The following PLA2G2C variants were observed in gnomAD, a reference collection of about 807,000 sequenced individuals.
PLA2G2C encodes the protein phospholipase A2 group IIC.
In PLA2G2C, 15 loss-of-function variants were observed where a neutral mutation model predicts 14.3. The ratio of observed to expected loss-of-function variants is 1.05; its 90% CI spans 0.70 to 1.62. The LOEUF is 1.62. Ranked by LOEUF, PLA2G2C falls within the 40% of genes most tolerant of loss-of-function variation. PLA2G2C has a pLI of 0.00. For missense variants in PLA2G2C, 162 were observed against 173.2 expected, an observed-to-expected ratio of 0.94 and a Z score of 0.36; for synonymous variants, 79 against 67.7, an observed-to-expected ratio of 1.17 and a Z score of -0.82.
At chr1:20,175,298 T>C in intron 2 of PLA2G2C, 153 bp from the exon 3 acceptor site, 1 of 1,108,124 alleles carries the variant, frequency 9.0e-7, no homozygotes, top group Non-Finnish European at 1.3e-6. Flanking sequence ...ATCACCAGCC[T>C]CTTTCCTGGG....
chr1:20,181,370 G>A (rs539864585), intron 1 of PLA2G2C, among the ~76,000 whole-genome samples: 1 of 152,078 alleles, frequency 6.6e-6, no homozygotes, highest in Non-Finnish European at 1.5e-5. Context: ...GAATCCTCCC[G>A]AATCCTCCCG....
intron 1 of PLA2G2C, among the ~76,000 whole-genome samples, chr1:20,178,949 C>T (rs568206657): frequency 5.4e-4 from 82 of 152,368 alleles, no homozygotes; most frequent in Middle Eastern, 3.4e-3. Flanking sequence ...GCCCCCTCTT[C>T]AGGGCTGGGG....
At chr1:20,179,984 G>A (rs939496501) in intron 1 of PLA2G2C, among the ~76,000 whole-genome samples, 3 of 150,808 alleles carry the variant, frequency 2.0e-5, no homozygotes, top group Non-Finnish European at 4.4e-5. Flanking sequence ...CTCTCTGTGT[G>A]TGTGTTAGCT....
At chr1:20,164,211 T>C (rs1226732336) in intron 4 of PLA2G2C, 54 bp from the exon 5 acceptor site, 2 of 1,553,972 alleles carry the variant, frequency 1.3e-6, no homozygotes, top group African/African-American at 2.7e-5. Flanking sequence ...CAGGGTTTGG[T>C]TCTAAGGCTG....
Position 20,175,152 on chromosome 1 carries a change from C to T in PLA2G2C, c.41-7G>A. On this transcript the variant is annotated splice_polypyrimidine_tract_variant and splice_region_variant and intron_variant, in intron 2 of 4. Transcript: ENST00000679259. ...AAACTGCTGTGGGTGGGGGCTGCCA[C>T]CACCGATGAGAAAAAAAGGAAGAAG... 1.9e-6 allele frequency: 3 copies of T among 1,613,856 alleles called. No individual in the cohort carries two copies. The highest frequency in any genetic ancestry group is 1.7e-6 in the Non-Finnish European group (2 of 1,179,878).
chr1:20,168,474 G>A (rs775471120), intron 4 of PLA2G2C, among the ~76,000 whole-genome samples: 6 of 152,196 alleles, frequency 3.9e-5, no homozygotes, highest in African/African-American at 7.2e-5. Flanking sequence ...CTAGTCGGTG[G>A]GGGAGAGTCG....
At chr1:20,181,814 C>T (rs1182354672) in intron 1 of PLA2G2C, among the ~76,000 whole-genome samples, 1 of 152,164 alleles carries the variant, frequency 6.6e-6, no homozygotes, top group Non-Finnish European at 1.5e-5. Context: ...CAAACTAGTG[C>T]ACCTGGAGCA....
chr1:20,177,621 T>C lies in PLA2G2C; in HGVS notation c.-76-182A>G, dbSNP rs534956601. Among the ~76,000 whole-genome samples the C allele has an allele frequency of 9.2e-5, 14 of 152,208 alleles. No individual in the cohort carries two copies. The East Asian group carries it at 2.1e-3, about 23-fold the overall frequency. On this transcript the variant is annotated intron_variant, in intron 1 of 4. Coordinates refer to ENST00000679259, the MANE Select transcript of PLA2G2C (RefSeq NM_001367969.2). ...ACATATAAAAATAAGAAGGGTTCCA[T>C]GGTTTTGAAAGTGCAAATGTTGGTT...
At chr1:20,171,569 G>GTATCTCCCGCCATA (rs2018074135) in intron 4 of PLA2G2C, among the ~76,000 whole-genome samples, 1 of 152,140 alleles carries the variant, frequency 6.6e-6, no homozygotes, top group Admixed American at 6.5e-5. Context: ...ACTACGGGAT[G>GTATCTCCCGCCATA]GAGGATGTAT....
intron 4 of PLA2G2C, among the ~76,000 whole-genome samples, chr1:20,171,964 C>A (rs941430866): frequency 2.0e-5 from 3 of 151,484 alleles, no homozygotes; most frequent in African/African-American, 7.3e-5. Flanking sequence ...GGGGTTTCAC[C>A]GTGTTAGCCA....
intron 4 of PLA2G2C, among the ~76,000 whole-genome samples, chr1:20,169,814 G>A (rs754556192): frequency 1.4e-4 from 21 of 152,292 alleles, no homozygotes; most frequent in Admixed American, 5.2e-4. Flanking sequence ...AGTGTTGCCC[G>A]ACTCTGAGGC....
At position 20,172,843 on chromosome 1, in the gene PLA2G2C, C is replaced by T; in HGVS notation, c.234G>A (p.Gln78=). ...GGAACTGGTAGCTGTTCAACACAGG[C>T]TGGCAGCTGAACTCCTTCAGCTTCT... ...PYEKLKEFSC[Q]PVLNSYQFHI... Residue 78 remains glutamine, a synonymous_variant, in exon 4 of 5, where the codon CAG becomes CAA. Transcript: ENST00000679259. 2 of 1,613,954 alleles carry T rather than the reference C, an allele frequency of 1.2e-6. No individual in the cohort carries two copies. The highest frequency in any genetic ancestry group is 1.7e-6 in the Non-Finnish European group (2 of 1,179,882).
intron 4 of PLA2G2C, among the ~76,000 whole-genome samples, chr1:20,169,344 A>G (rs1382057949): frequency 6.6e-6 from 1 of 151,630 alleles, no homozygotes; most frequent in Non-Finnish European, 1.5e-5. Flanking sequence ...CATCTGGCTA[A>G]TTGTTTGTAT....
chr1:20,186,116 A>C (rs1397833661), intron 1 of PLA2G2C: 1 of 152,256 alleles, frequency 6.6e-6, no homozygotes, highest in Non-Finnish European at 1.5e-5. Flanking sequence ...AGCAGGACAG[A>C]GCCCGGGCGC....
rs759867848 is a variant in PLA2G2C at position 20,179,210 on chromosome 1, C to CTG, written c.-76-1772_-76-1771insCA. 9.9e-3 allele frequency among the ~76,000 whole-genome samples: 1,262 copies of CTG among 127,688 alleles called. 16 individuals carry two copies. Among genetic ancestry groups the CTG allele is most frequent in the African/African-American group, 0.04 (1,137 of 28,204 alleles). 83.8% of individuals were successfully genotyped at this position (127,688 alleles called of 152,430 possible). ...GTCAACTTCCCCTCTATGTCAGTTT[C>CTG]TCTGTGTGTGTGTGTGTGTGTGTGT... On this transcript the variant is annotated intron_variant, in intron 1 of 4. Transcript: ENST00000679259.
At chr1:20,172,686 GCA>G in intron 4 of PLA2G2C, 106 bp downstream of exon 4, 1 of 961,806 alleles carries the variant, frequency 1.0e-6, no homozygotes, top group East Asian at 2.6e-5. Flanking sequence ...CTCCTTCCAA[GCA>G]CTTGGAAGCA....
At chr1:20,186,063 C>G (rs574983259) in intron 1 of PLA2G2C, 5 of 144,974 alleles carry the variant, frequency 3.4e-5, no homozygotes, top group Non-Finnish European at 7.6e-5. Flanking sequence ...AGCACGTGGC[C>G]CCCCACCCTG....
intron 3 of PLA2G2C, 106 bp from the exon 4 acceptor site, chr1:20,173,003 G>C: frequency 2.7e-6 from 2 of 743,764 alleles, no homozygotes; most frequent in Non-Finnish European, 4.4e-6. Context: ...GTGAGGAGGT[G>C]AATTATCAAT....
At chr1:20,175,822 A>G (rs1403852248) in intron 2 of PLA2G2C, among the ~76,000 whole-genome samples, 1 of 152,324 alleles carries the variant, frequency 6.6e-6, no homozygotes, top group East Asian at 1.9e-4. Context: ...TTGGGATTGA[A>G]GAGAGAGAAA....
Sources: gnomAD v4.1 joint callset for allele counts (sites outside exome capture counted in the v4.1 genomes callset) on GRCh38, gnomAD v4.1.1 for gene constraint, MANE v1.5 for transcripts, NCBI Gene and HGNC (gene_info 2026-07-23, HGNC 2026-07-21) for gene names.